Variants in MTSS1 observed in about 807,000 individuals in gnomAD.
MTSS1 encodes the protein MTSS I-BAR domain containing 1, also known as protein MTSS 1.
Under a neutral mutation model 79.0 loss-of-function variants are expected in MTSS1, and 18 were observed. The ratio of observed to expected loss-of-function variants is 0.23; its 90% CI spans 0.16 to 0.34. MTSS1 has a LOEUF of 0.34. MTSS1 is among the 10% of genes least tolerant of loss of function. The probability of loss-of-function intolerance (pLI) is 1.00; values close to 1 mark genes in which losing one functional copy is unlikely to be tolerated. For synonymous variants in MTSS1, 341 were observed against 368.6 expected (o/e 0.93, Z 0.86); for missense variants, 815 against 986.2 (o/e 0.83, Z 2.33).
At chr8:124,566,427 C>T (rs1490590997) in intron 8 of MTSS1, among the ~76,000 whole-genome samples, 2 of 152,208 alleles carry the variant, frequency 1.3e-5, no homozygotes, top group Non-Finnish European at 2.9e-5. Flanking sequence ...AATTTGCCCT[C>T]TGAGCCAGCT....
At chr8:124,721,689 C>A (rs565715592) in intron 1 of MTSS1, among the ~76,000 whole-genome samples, 1 of 58,490 alleles carries the variant, frequency 1.7e-5, no homozygotes, top group East Asian at 4.0e-4. Context: ...GGGCACCTCG[C>A]CCTACCAGAA....
chr8:124,594,427 A>G (rs977020217), intron 3 of MTSS1, among the ~76,000 whole-genome samples: 1 of 152,164 alleles, frequency 6.6e-6, no homozygotes. Context: ...CCTACTTGGG[A>G]GGAGTAGCTT....
At chr8:124,573,006 C>CA (rs1828178104) in intron 6 of MTSS1, among the ~76,000 whole-genome samples, 1 of 152,206 alleles carries the variant, frequency 6.6e-6, no homozygotes, top group Non-Finnish European at 1.5e-5. Context: ...CTCGGCCTCC[C>CA]AAAGTGCTGG....
intron 12 of MTSS1, 143 bp downstream of exon 12, chr8:124,556,089 T>C: frequency 6.5e-7 from 1 of 1,548,924 alleles, no homozygotes; most frequent in Non-Finnish European, 8.7e-7. Context: ...TCCCAGGGAC[T>C]TTGCTGTAGA....
At chr8:124,606,060 C>T (rs1563844177) in intron 3 of MTSS1, among the ~76,000 whole-genome samples, 1 of 146,980 alleles carries the variant, frequency 6.8e-6, no homozygotes, top group Non-Finnish European at 1.5e-5. Flanking sequence ...ACTGCAACTT[C>T]TGCTTCCCAG....
chr8:124,595,144 G>A (rs367735931), intron 3 of MTSS1, among the ~76,000 whole-genome samples: 14 of 152,152 alleles, frequency 9.2e-5, no homozygotes, highest in African/African-American at 2.4e-4. Context: ...TTTGTATCTT[G>A]TTTAATCCCC....
chr8:124,716,364 A>T (rs1831981081), intron 1 of MTSS1, among the ~76,000 whole-genome samples: 1 of 152,196 alleles, frequency 6.6e-6, no homozygotes, highest in African/African-American at 2.4e-5. Context: ...TAGGCACAGA[A>T]CTCATTTCGT....
rs151067767 is a variant in MTSS1, at chr8:124,556,245, G to A, written c.1391C>T (p.Ser464Leu). Residue 464 changes from serine (S) to leucine (L), a missense_variant, in exon 12 of 14, where the codon TCG becomes TTG. Physicochemically the swap from Ser to Leu is moderately radical, Grantham distance 145 (BLOSUM62 -2). This residue lies in a region of MTSS1 where 590 missense variants were observed against 620.8 expected (regional missense o/e 0.95). Coordinates refer to ENST00000518547, the MANE Select transcript of MTSS1 (RefSeq NM_014751.6). ...CAAGAGCATCACCCTGGTGGCAGCC[G>A]ATACAGTCATGCTCCGTGGTCTCTG... ...EAQRPRSMTVSAATRPGEEME... is the reference protein window; with the variant it reads ...EAQRPRSMTVLAATRPGEEME... 57 of 1,614,068 alleles carry A rather than the reference G, an allele frequency of 3.5e-5. No homozygotes were observed. The highest frequency in any genetic ancestry group is 3.1e-4 in the African/African-American group (23 of 74,932).
chr8:124,703,974 C>T (rs563315927), intron 2 of MTSS1, among the ~76,000 whole-genome samples, 156 bp downstream of exon 2: 16 of 152,266 alleles, frequency 1.1e-4, no homozygotes, highest in Admixed American at 6.5e-4. Flanking sequence ...GGATATATGG[C>T]TATAGGTGAT....
At chr8:124,566,690 G>A (rs79503489) in intron 8 of MTSS1, among the ~76,000 whole-genome samples, 11,827 of 152,242 alleles carry the variant, frequency 0.078, 623 homozygotes, top group Non-Finnish European at 0.11. Context: ...GACTTCTAGA[G>A]GGCAGATGAA....
In MTSS1 at chr8:124,567,586, T is replaced by G. The variant is rs111337178; in HGVS notation, c.619-408A>C. On this transcript the variant is annotated intron_variant, in intron 7 of 13. Transcript: ENST00000518547. ...GGATATATTTTGGTCCAGATCTTTG[T>G]GACAGTGCCTGTGTGTTCAACAGAA... 2.7e-4 allele frequency: 375 copies of G among 1,374,210 alleles called. No homozygotes were observed. The African/African-American group carries it at 4.4e-3, about 16-fold the overall frequency. 85.1% of individuals were successfully genotyped at this position (1,374,210 alleles called of 1,614,324 possible).
At chr8:124,569,203 T>C (rs1371172934) in intron 6 of MTSS1, among the ~76,000 whole-genome samples, 1 of 152,158 alleles carries the variant, frequency 6.6e-6, no homozygotes, top group Non-Finnish European at 1.5e-5. Context: ...GCCTGGCCCA[T>C]GTTTAGGAAT....
chr8:124,607,076 A>G (rs889348249), intron 3 of MTSS1, among the ~76,000 whole-genome samples: 1 of 152,190 alleles, frequency 6.6e-6, no homozygotes, highest in Non-Finnish European at 1.5e-5. Flanking sequence ...ACAGCTTCAG[A>G]CATAGAAGGA....
chr8:124,676,394 C>T (rs1453991396), intron 3 of MTSS1, among the ~76,000 whole-genome samples: 1 of 152,094 alleles, frequency 6.6e-6, no homozygotes, highest in Non-Finnish European at 1.5e-5. Context: ...ATTTAGTGAC[C>T]AGAACACTCA....
At chr8:124,620,124 T>C (rs1813212378) in intron 3 of MTSS1, among the ~76,000 whole-genome samples, 1 of 152,072 alleles carries the variant, frequency 6.6e-6, no homozygotes, top group Admixed American at 6.5e-5. Context: ...TTTTTATTTT[T>C]AGTAGAGATG....
intron 3 of MTSS1, among the ~76,000 whole-genome samples, chr8:124,677,543 C>T (rs2134857886): frequency 6.6e-6 from 1 of 152,316 alleles, no homozygotes; most frequent in East Asian, 1.9e-4. Context: ...TTACTGTTTT[C>T]ATTTTTTTCC....
intron 8 of MTSS1, 178 bp from the exon 9 acceptor site, chr8:124,565,937 C>G (rs1826337867): frequency 2.1e-6 from 1 of 474,076 alleles, no homozygotes; most frequent in African/African-American, 2.0e-5. Flanking sequence ...CCATCAATAT[C>G]ATAATCCTTT....
chr8:124,565,990 A>G (rs1826347153), intron 8 of MTSS1: 1 of 353,936 alleles, frequency 2.8e-6, no homozygotes, highest in African/African-American at 2.1e-5. Context: ...GAAGGAAAGG[A>G]AGGGAAAAGG....
At position 124,624,176 on chromosome 8, in the gene MTSS1, C is replaced by CAGA. The variant is rs1164681287; in HGVS notation, c.209-32944_209-32942dup. On this transcript the variant is annotated intron_variant, in intron 3 of 13. Coordinates refer to ENST00000518547, the MANE Select transcript of MTSS1 (RefSeq NM_014751.6). ...TCACTGTGCGAAGACTCATATAGGA[C>CAGA]AGAAGAAGAAGACAGCCCCCGTCCT... 6.6e-5 allele frequency among the ~76,000 whole-genome samples: 10 copies of CAGA among 152,130 alleles called. No individual in the cohort carries two copies. In the East Asian group the frequency reaches 1.2e-3, roughly 18 times the overall value.
Sources: allele counts gnomAD v4.1 joint callset (sites outside exome capture counted in the v4.1 genomes callset), GRCh38; gene constraint gnomAD v4.1.1; regional missense constraint gnomAD v4.1.1; transcripts MANE v1.5; gene names NCBI Gene and HGNC (gene_info 2026-07-23, HGNC 2026-07-21).